Variants in LRIT1 observed in about 807,000 individuals in gnomAD.
LRIT1 encodes the protein leucine rich repeat, Ig-like and transmembrane domains 1.
A neutral mutation model predicts 24.0 loss-of-function variants in LRIT1; 23 were observed. The observed-to-expected ratio is 0.96, with a 90% CI of 0.69 to 1.36. LRIT1 has a LOEUF of 1.36. LRIT1 is among the 40% of genes most tolerant of loss of function. The pLI is 0.00. For synonymous variants in LRIT1, 361 were observed against 340.5 expected (o/e 1.06, Z -0.66); for missense variants, 846 against 806.3 (o/e 1.05, Z -0.60).
chr10:84,237,209 C>A lies in LRIT1; in HGVS notation c.589+11G>T. On this transcript the variant is annotated intron_variant, in intron 2 of 3. Coordinates refer to ENST00000372105, the MANE Select transcript of LRIT1 (RefSeq NM_015613.3). The stretch of plus-strand genomic sequence containing the variant: ...TGCCTAAGACCCCAGGTGAAGGTTG[C>A]CGACCCTTACCTAGGACCCGCCTGG... 1 of 1,545,560 alleles carries A rather than the reference C, an allele frequency of 6.5e-7. No individual in the cohort carries two copies. Among genetic ancestry groups the A allele is most frequent in the Non-Finnish European group, 8.7e-7 (1 of 1,143,658 alleles).
At chr10:84,239,795 A>G (rs986684971) in intron 1 of LRIT1, among the ~76,000 whole-genome samples, 1 of 152,194 alleles carries the variant, frequency 6.6e-6, no homozygotes, top group Non-Finnish European at 1.5e-5. Context: ...TTAGAGAGGG[A>G]TCTGAGGAAG....
chr10:84,233,887 T>C (rs540974608), intron 3 of LRIT1, among the ~76,000 whole-genome samples, 186 bp downstream of exon 3: 1 of 152,326 alleles, frequency 6.6e-6, no homozygotes, highest in Non-Finnish European at 1.5e-5. Context: ...CCACTGTCAT[T>C]GTTGAATCTG....
rs755436852 is a variant in LRIT1 at position 84,232,428 on chromosome 10, A to G, written c.1371T>C (p.Thr457=). ...VWKAPQAKNT[T]AFSVLYAVFG... The stretch of plus-strand genomic sequence containing the variant: ...AGACCGCGTAGAGGACACTGAAGGC[A>G]GTTGTGTTCTTAGCCTGGGGTGCCT... Residue 457 remains threonine, a synonymous_variant, in exon 4 of 4, where the codon ACT becomes ACC. Coordinates refer to ENST00000372105, the MANE Select transcript of LRIT1 (RefSeq NM_015613.3). 2 of 1,614,180 alleles carry G rather than the reference A, an allele frequency of 1.2e-6. No individual in the cohort carries two copies. Among genetic ancestry groups the G allele is most frequent in the Admixed American group, 3.3e-5 (2 of 60,028 alleles).
At chr10:84,233,786 C>T (rs1842623604) in intron 3 of LRIT1, among the ~76,000 whole-genome samples, 1 of 152,220 alleles carries the variant, frequency 6.6e-6, no homozygotes. Context: ...AAAAGAGGGT[C>T]TTCCACCAAA....
chr10:84,236,081 G>A (rs930542478), intron 2 of LRIT1, among the ~76,000 whole-genome samples: 23 of 151,812 alleles, frequency 1.5e-4, no homozygotes, highest in African/African-American at 5.3e-4. Flanking sequence ...TGGATCACGA[G>A]GTCAGGAGAT....
chr10:84,236,790 T>G (rs994033134), intron 2 of LRIT1, among the ~76,000 whole-genome samples: 2 of 152,216 alleles, frequency 1.3e-5, no homozygotes, highest in Non-Finnish European at 2.9e-5. Context: ...CATGTATGAG[T>G]TGTATAATTC....
intron 2 of LRIT1, among the ~76,000 whole-genome samples, chr10:84,234,852 T>C (rs751929696): frequency 1.4e-4 from 22 of 152,208 alleles, no homozygotes; most frequent in Non-Finnish European, 2.6e-4. Flanking sequence ...CCATGGTCCC[T>C]TTGACATAGG....
At position 84,234,331 on chromosome 10, in the gene LRIT1, C is replaced by A. The variant is rs1842630647; in HGVS notation, c.637G>T (p.Val213Phe). ...WACDCRLYDL[V>F]HLLDGWAPNL... ...GGGGCCCAGCCATCCAAAAGATGAA[C>A]CAGGTCATAGAGTCGGCAGTCACAT... The change falls in exon 3 of 4, where the codon GTT (valine) becomes TTT (phenylalanine). Residue 213 changes from valine (V) to phenylalanine (F), a missense_variant. Val to Phe is a conservative substitution (Grantham distance 50). Transcript: ENST00000372105. 6.3e-7 allele frequency: 1 copy of A among 1,599,928 alleles called. No homozygotes were observed. Among genetic ancestry groups the A allele is most frequent in the East Asian group, 2.2e-5 (1 of 44,638 alleles).
chr10:84,232,671 G>T lies in LRIT1; in HGVS notation c.1128C>A (p.Asn376Lys). 1.9e-6 allele frequency: 3 copies of T among 1,613,574 alleles called. No homozygotes were observed. The highest frequency in any genetic ancestry group is 2.5e-6 in the Non-Finnish European group (3 of 1,179,574). Reference protein sequence around the residue: ...GGGGEAAAYNNKLVARHVPQI... With the variant: ...GGGGEAAAYNKKLVARHVPQI... The stretch of plus-strand genomic sequence containing the variant: ...GGGGGACATGCCTGGCCACCAGCTT[G>T]TTGTTGTAAGCAGCAGCTTCCCCTC... Residue 376 changes from asparagine to lysine, a missense_variant, in exon 4 of 4, where the codon AAC (asparagine) becomes AAA (lysine). Physicochemically the swap from Asn to Lys is moderately conservative, Grantham distance 94. Coordinates refer to ENST00000372105, the MANE Select transcript of LRIT1 (RefSeq NM_015613.3).
Position 84,231,966 on chromosome 10 carries a change from T to G in LRIT1, c.1833A>C (p.Gly611=). The change falls in exon 4 of 4, where the codon GGA becomes GGC. Residue 611 remains glycine, a synonymous_variant. Transcript: ENST00000372105. ...ARSSVDFQAF[G]VKGGRRINEY... ...CATTGATTCTCCTGCCCCCTTTGACTCCAAAGGCCTGAAAGTCCACACTGG... is the reference window on the plus strand; with the variant it reads ...CATTGATTCTCCTGCCCCCTTTGACGCCAAAGGCCTGAAAGTCCACACTGG... The G allele has an allele frequency of 6.2e-7, 1 of 1,612,386 alleles. No homozygotes were observed. Among genetic ancestry groups the G allele is most frequent in the Non-Finnish European group, 8.5e-7 (1 of 1,178,832 alleles).
chr10:84,232,999 T>C, intron 3 of LRIT1, 96 bp from the exon 4 acceptor site: 1 of 1,332,876 alleles, frequency 7.5e-7, no homozygotes, highest in Non-Finnish European at 1.0e-6. Flanking sequence ...TGGTACACAC[T>C]CAGGTGTCAT....
intron 3 of LRIT1, among the ~76,000 whole-genome samples, chr10:84,233,848 T>A (rs1321794708): frequency 6.6e-6 from 1 of 152,242 alleles, no homozygotes; most frequent in Non-Finnish European, 1.5e-5. Flanking sequence ...ATAGAGTGTC[T>A]GGTGGGATAT....
chr10:84,236,318 T>A (rs919223641), intron 2 of LRIT1, among the ~76,000 whole-genome samples: 5 of 151,948 alleles, frequency 3.3e-5, no homozygotes, highest in African/African-American at 1.2e-4. Context: ...AGGAATGTAT[T>A]GCCAAGAATG....
chr10:84,241,419 C>G lies in LRIT1; in HGVS notation c.21G>C (p.Met7Ile), dbSNP rs1274745676. MRVALGMLWLLALAWPP... is the reference protein window; with the variant it reads MRVALGILWLLALAWPP... The stretch of plus-strand genomic sequence containing the variant: ...GCCACGCAAGGGCCAAGAGCCAGAG[C>G]ATGCCTAATGCCACCCTCATGGCTC... Residue 7 changes from methionine to isoleucine, a missense_variant, in exon 1 of 4, where the codon ATG becomes ATC. Coordinates refer to ENST00000372105, the MANE Select transcript of LRIT1 (RefSeq NM_015613.3). 1 of 1,601,918 alleles carries G rather than the reference C, an allele frequency of 6.2e-7. No individual in the cohort carries two copies. The highest frequency in any genetic ancestry group is 8.5e-7 in the Non-Finnish European group (1 of 1,174,746).
At chr10:84,234,587 C>T (rs1021521488) in intron 2 of LRIT1, among the ~76,000 whole-genome samples, 1 of 152,126 alleles carries the variant, frequency 6.6e-6, no homozygotes, top group African/African-American at 2.4e-5. Flanking sequence ...TTCAGGGTTG[C>T]TTTAAGCATA....
At chr10:84,234,027 C>T (rs763340957) in intron 3 of LRIT1, 46 bp downstream of exon 3, 2 of 1,388,342 alleles carry the variant, frequency 1.4e-6, no homozygotes, top group Non-Finnish European at 1.9e-6. Context: ...CTGCTTTGCC[C>T]TCCCCAGTCT....
Position 84,241,540 on chromosome 10 carries a change from C to G in LRIT1, c.-101G>C. The G allele has an allele frequency of 8.1e-7, 1 of 1,232,536 alleles. No individual in the cohort carries two copies. The highest frequency in any genetic ancestry group is 1.1e-6 in the Non-Finnish European group (1 of 918,268). 76.3% of individuals were successfully genotyped at this position (1,232,536 alleles called of 1,614,324 possible). On this transcript the variant is annotated 5_prime_UTR_variant, in exon 1 of 4. Transcript: ENST00000372105. The stretch of plus-strand genomic sequence containing the variant: ...CAGCTGCCCACTTGCTCGCCAGCCC[C>G]TTACACCCCCTCCTGAGGCCATCGG...
intron 1 of LRIT1, among the ~76,000 whole-genome samples, chr10:84,239,907 C>T (rs1211197758): frequency 6.6e-6 from 1 of 152,226 alleles, no homozygotes; most frequent in African/African-American, 2.4e-5. Flanking sequence ...CCTCATAGGA[C>T]CCTCCATGCA....
At chr10:84,234,667 C>T (rs1247831813) in intron 2 of LRIT1, among the ~76,000 whole-genome samples, 1 of 152,180 alleles carries the variant, frequency 6.6e-6, no homozygotes, top group Admixed American at 6.5e-5. Flanking sequence ...ATTACTGTTG[C>T]CATTCTTGGA....
Sources: gnomAD v4.1 joint callset for allele counts (sites outside exome capture counted in the v4.1 genomes callset) on GRCh38, gnomAD v4.1.1 for gene constraint, MANE v1.5 for transcripts, NCBI Gene and HGNC (gene_info 2026-07-23, HGNC 2026-07-21) for gene names.